Variants in ZC3H11A observed in about 807,000 individuals in gnomAD.
ZC3H11A encodes the protein zinc finger CCCH domain-containing protein 11A.
ZC3H11A carries 22 observed loss-of-function variants against 90.8 expected under a neutral mutation model. The ratio of observed to expected loss-of-function variants is 0.24; its 90% CI spans 0.17 to 0.35. ZC3H11A has a LOEUF of 0.35. Ranked by LOEUF, ZC3H11A falls within the 10% of genes least tolerant of loss-of-function variation. ZC3H11A has a pLI of 1.00. For synonymous variants in ZC3H11A, 294 were observed against 339.8 expected, an observed-to-expected ratio of 0.87 and a Z score of 1.48; for missense variants, 701 against 964.9, an observed-to-expected ratio of 0.73 and a Z score of 3.62.
Position 203,851,777 on chromosome 1 carries a change from A to T in ZC3H11A, c.2175-364A>T, listed in dbSNP as rs573814464. 6.6e-5 allele frequency among the ~76,000 whole-genome samples: 10 copies of T among 152,064 alleles called. No individual in the cohort carries two copies. In the South Asian group the frequency reaches 2.1e-3, roughly 32 times the overall value. On this transcript the variant is annotated intron_variant, in intron 17 of 17. Transcript: ENST00000367210. ...CAGGAGTTCAAGACCAGCCTGGACA[A>T]CATAGTGAGGTCTTGTCTCTAATAA...
chr1:203,833,927 T>G, intron 10 of ZC3H11A, 74 bp downstream of exon 10: 3 of 1,529,362 alleles, frequency 2.0e-6, no homozygotes. Flanking sequence ...TCCAAACTCT[T>G]TTTATACAGA....
chr1:203,847,008 AAAAAAAAGAAAAAG>A (rs1004294307), intron 12 of ZC3H11A, among the ~76,000 whole-genome samples, 162 bp from the exon 13 acceptor site: 3 of 152,166 alleles, frequency 2.0e-5, no homozygotes, highest in Non-Finnish European at 4.4e-5. Context: ...CTGTCTTAAA[AAAAAAAAGAAAAAG>A]AAAAAAAGGA....
At chr1:203,805,917 T>A (rs2102519353) in intron 2 of ZC3H11A, 1 of 672,412 alleles carries the variant, frequency 1.5e-6, no homozygotes, top group East Asian at 3.5e-5. Context: ...CTTGCTTGTC[T>A]ACCTTCATTT....
At chr1:203,820,487 T>TGTGTGTGTGTGTGTGTG (rs1553263519) in intron 4 of ZC3H11A, among the ~76,000 whole-genome samples, 2 of 152,046 alleles carry the variant, frequency 1.3e-5, no homozygotes, top group African/African-American at 2.4e-5. Flanking sequence ...TGTGTGTATA[T>TGTGTGTGTGTGTGTGTG]TTTGAGTTGA....
chr1:203,811,571 A>G (rs764894363), intron 2 of ZC3H11A, among the ~76,000 whole-genome samples: 3 of 151,888 alleles, frequency 2.0e-5, no homozygotes, highest in Non-Finnish European at 4.4e-5. Flanking sequence ...TGCAGTGGCA[A>G]GATTGTGGCT....
intron 4 of ZC3H11A, among the ~76,000 whole-genome samples, chr1:203,825,705 G>A (rs967402231): frequency 9.9e-5 from 15 of 152,154 alleles, no homozygotes; most frequent in Admixed American, 2.0e-4. Context: ...GATTACAGGC[G>A]TGAGCCACCA....
intron 2 of ZC3H11A, among the ~76,000 whole-genome samples, chr1:203,812,910 C>T (rs1675002870): frequency 6.6e-6 from 1 of 152,118 alleles, no homozygotes; most frequent in Non-Finnish European, 1.5e-5. Context: ...AAGGAATTTG[C>T]AATCCCTAAT....
chr1:203,828,956 G>A (rs1051287204), intron 5 of ZC3H11A, among the ~76,000 whole-genome samples: 2 of 152,118 alleles, frequency 1.3e-5, no homozygotes, highest in Non-Finnish European at 2.9e-5. Context: ...TATTCCCAAA[G>A]TTCATTTTAA....
At chr1:203,820,217 A>G (rs1678059989) in intron 4 of ZC3H11A, among the ~76,000 whole-genome samples, 1 of 150,724 alleles carries the variant, frequency 6.6e-6, no homozygotes, top group Non-Finnish European at 1.5e-5. Flanking sequence ...CCTGGGTGAC[A>G]GGGCGAGACT....
In ZC3H11A at chr1:203,820,988, T is replaced by C. The variant is rs548008162; in HGVS notation, c.174+2299T>C. On this transcript the variant is annotated intron_variant, in intron 4 of 17. Coordinates refer to ENST00000367210, the MANE Select transcript of ZC3H11A (RefSeq NM_001376342.1). ...CAGACTTCAACTTTTTCCCCGTTAT[T>C]GATGTGAATTAATGCAAACTTGTGG... is the stretch of plus-strand genomic sequence containing the variant. Among the ~76,000 whole-genome samples, 150 of 152,292 alleles carry C rather than the reference T, an allele frequency of 9.8e-4. 1 individual carries two copies. The highest frequency in any genetic ancestry group is 3.5e-3 in the African/African-American group (146 of 41,574).
In ZC3H11A at chr1:203,819,097, C is replaced by T. The variant is rs1312512754; in HGVS notation, c.174+408C>T. Among the ~76,000 whole-genome samples, 494 of 145,568 alleles carry T rather than the reference C, an allele frequency of 3.4e-3. 1 individual carries two copies. The highest frequency in any genetic ancestry group is 7.1e-3 in the African/African-American group (283 of 39,710). On this transcript the variant is annotated intron_variant, in intron 4 of 17. Coordinates refer to ENST00000367210, the MANE Select transcript of ZC3H11A (RefSeq NM_001376342.1). ...AAAAAAATATATATATATACACACA[C>T]ACACACACACACACACACACACGTG...
chr1:203,839,446 AAAG>A (rs762755668), intron 11 of ZC3H11A, among the ~76,000 whole-genome samples: 2 of 149,978 alleles, frequency 1.3e-5, no homozygotes, highest in Non-Finnish European at 3.0e-5. Flanking sequence ...TTAAATTATT[AAAG>A]AATAGGTGTT....
At chr1:203,835,805 TG>T in intron 10 of ZC3H11A, 1 of 243,542 alleles carries the variant, frequency 4.1e-6, no homozygotes, top group Non-Finnish European at 9.2e-6. Flanking sequence ...TTGTTTCATC[TG>T]GGGCATAAAC....
At chr1:203,819,606 C>G (rs1677790384) in intron 4 of ZC3H11A, among the ~76,000 whole-genome samples, 1 of 132,714 alleles carries the variant, frequency 7.5e-6, no homozygotes, top group Non-Finnish European at 1.5e-5. Context: ...ATGGGCTCAG[C>G]TTAGTGCAAC....
At chr1:203,842,619 G>A (rs1266403036) in intron 12 of ZC3H11A, among the ~76,000 whole-genome samples, 1 of 146,400 alleles carries the variant, frequency 6.8e-6, no homozygotes, top group East Asian at 1.9e-4. Flanking sequence ...GAGGGGGAGG[G>A]GGAATCTTTT....
At chr1:203,813,485 T>C (rs1430475399) in intron 2 of ZC3H11A, among the ~76,000 whole-genome samples, 1 of 152,234 alleles carries the variant, frequency 6.6e-6, no homozygotes, top group African/African-American at 2.4e-5. Context: ...ATTATTTTTT[T>C]ATATGTGGAT....
intron 2 of ZC3H11A, chr1:203,805,882 A>G: frequency 1.3e-6 from 1 of 769,034 alleles, no homozygotes; most frequent in Non-Finnish European, 2.3e-6. Context: ...CTGGTCTTGT[A>G]AATTCTCAAT....
intron 1 of ZC3H11A, chr1:203,797,370 TAAC>T: frequency 2.9e-6 from 2 of 688,618 alleles, no homozygotes; most frequent in South Asian, 2.6e-5. Flanking sequence ...CCTCCAAAAA[TAAC>T]CTGGCTTGGA....
chr1:203,851,985 A>G (rs1689421103), intron 17 of ZC3H11A, among the ~76,000 whole-genome samples, 156 bp from the exon 18 acceptor site: 1 of 151,244 alleles, frequency 6.6e-6, no homozygotes, highest in African/African-American at 2.4e-5. Context: ...AAAAAAAAAA[A>G]AAAAAAAAAA....
Sources: allele counts gnomAD v4.1 joint callset (sites outside exome capture counted in the v4.1 genomes callset), GRCh38; gene constraint gnomAD v4.1.1; transcripts MANE v1.5; gene names NCBI Gene and HGNC (gene_info 2026-07-23, HGNC 2026-07-21).